Variants in CHP1 observed in about 807,000 individuals in gnomAD.
The protein encoded by CHP1 is calcineurin like EF-hand protein 1, also known as calcineurin B homologous protein 1.
A neutral mutation model predicts 27.4 loss-of-function variants in CHP1; 11 were observed. The observed-to-expected ratio is 0.40, with a 90% CI of 0.25 to 0.67. CHP1 has a LOEUF of 0.67. Ranked by LOEUF, CHP1 falls within the 30% of genes least tolerant of loss-of-function variation. CHP1 has a pLI of 0.38. For synonymous variants in CHP1, 89 were observed against 87.4 expected, an observed-to-expected ratio of 1.02 and a Z score of -0.10; for missense variants, 169 against 251.3, an observed-to-expected ratio of 0.67 and a Z score of 2.22.
chr15:41,279,615 A>G lies in CHP1; in HGVS notation c.*226A>G, dbSNP rs972820616. On this transcript the variant is annotated 3_prime_UTR_variant, in exon 7 of 7. Transcript: ENST00000334660. ...TATTTCTGTTCAGTATCCATTCACT[A>G]GTTCTTCATTTATAAATATCATCTT... The G allele has an allele frequency of 1.1e-5, 5 of 471,328 alleles. No individual in the cohort carries two copies. Among genetic ancestry groups the G allele is most frequent in the African/African-American group, 7.9e-5 (4 of 50,458 alleles). The allele number at this position is 471,328 out of a possible 1,614,324, so 29.2% of individuals were successfully genotyped here.
At chr15:41,243,605 G>A (rs369144676) in intron 1 of CHP1, 62 bp from the exon 2 acceptor site, 2 of 1,328,212 alleles carry the variant, frequency 1.5e-6, no homozygotes, top group Non-Finnish European at 2.2e-6. Flanking sequence ...GACAGCGAGG[G>A]GTGGGTTCAG....
chr15:41,247,496 C>T (rs2047341410), intron 2 of CHP1, among the ~76,000 whole-genome samples: 1 of 150,252 alleles, frequency 6.7e-6, no homozygotes, highest in Non-Finnish European at 1.5e-5. Context: ...ATGGTAAAAC[C>T]CCGTCTCTAC....
intron 1 of CHP1, among the ~76,000 whole-genome samples, chr15:41,239,076 A>T (rs887227156): frequency 1.3e-5 from 2 of 152,116 alleles, no homozygotes; most frequent in Non-Finnish European, 1.5e-5. Context: ...TTATAGGTAG[A>T]TTGGGATTGT....
chr15:41,242,871 A>G (rs1595471856), intron 1 of CHP1, among the ~76,000 whole-genome samples: 1 of 151,962 alleles, frequency 6.6e-6, no homozygotes, highest in East Asian at 1.9e-4. Flanking sequence ...TGAACACGAG[A>G]GGCAGAGGTT....
At chr15:41,250,643 C>A in intron 2 of CHP1, among the ~76,000 whole-genome samples, 1 of 124,194 alleles carries the variant, frequency 8.1e-6, no homozygotes. Flanking sequence ...GAACAAAATC[C>A]AGGTGAGGTT....
chr15:41,254,024 C>T (rs1055536720), intron 2 of CHP1, among the ~76,000 whole-genome samples: 3 of 151,770 alleles, frequency 2.0e-5, no homozygotes, highest in Non-Finnish European at 4.4e-5. Flanking sequence ...GAACTCCTAG[C>T]CTGAAGCAGT....
rs576408282 is a variant in CHP1, at chr15:41,248,902, C to G, written c.140+5163C>G. ...ACCCACCCACTACTGGGATTTCACT[C>G]TGGCTGTGCCTCCTGACAATTATCT... On this transcript the variant is annotated intron_variant, in intron 2 of 6. Coordinates refer to ENST00000334660, the MANE Select transcript of CHP1 (RefSeq NM_007236.5). 1.1e-4 allele frequency among the ~76,000 whole-genome samples: 16 copies of G among 152,318 alleles called. No individual in the cohort carries two copies. In the East Asian group the frequency reaches 2.9e-3, roughly 28 times the overall value.
At chr15:41,248,008 ATAAGTATC>A (rs1176785970) in intron 2 of CHP1, among the ~76,000 whole-genome samples, 3 of 151,934 alleles carry the variant, frequency 2.0e-5, no homozygotes, top group Non-Finnish European at 2.9e-5. Context: ...AAATAAATAA[ATAAGTATC>A]TAAGTAAGAT....
At position 41,280,658 on chromosome 15, in the gene CHP1, T is replaced by G. The variant is rs1444480474; in HGVS notation, c.*1269T>G. On this transcript the variant is annotated 3_prime_UTR_variant, in exon 7 of 7. Transcript: ENST00000334660. The stretch of plus-strand genomic sequence containing the variant: ...TCCCAAGTAGCTGGGATTACAGGTG[T>G]GCACCACCATGCCCGGCTAATTTTT... 1 of 151,022 alleles carries G rather than the reference T, an allele frequency of 6.6e-6. No individual in the cohort carries two copies. Among genetic ancestry groups the G allele is most frequent in the East Asian group, 2.0e-4 (1 of 5,066 alleles). The allele number at this position is 151,022 out of a possible 1,614,324, so 9.4% of individuals were successfully genotyped here. A position where few individuals can be genotyped will look rare whatever the true frequency, so the allele number is the denominator to read the frequency against.
rs190703643 is a variant in CHP1, at chr15:41,279,472, C to T, written c.*83C>T. On this transcript the variant is annotated 3_prime_UTR_variant, in exon 7 of 7. Transcript: ENST00000334660. The stretch of plus-strand genomic sequence containing the variant: ...CCTTCTACCAACTCCACCTCCACCC[C>T]CTCATTCCCCTTCTCCCAAAGTACT... The T allele has an allele frequency of 1.8e-6, 2 of 1,116,594 alleles. No individual in the cohort carries two copies. The highest frequency in any genetic ancestry group is 2.7e-6 in the Non-Finnish European group (2 of 741,372). 69.2% of individuals were successfully genotyped at this position (1,116,594 alleles called of 1,614,324 possible).
intron 3 of CHP1, among the ~76,000 whole-genome samples, chr15:41,260,623 G>C (rs2047428151): frequency 1.3e-5 from 2 of 151,966 alleles, no homozygotes; most frequent in Non-Finnish European, 2.9e-5. Context: ...TTGAACTCCT[G>C]ACCTCAGGTG....
At chr15:41,261,030 G>A (rs768603682) in intron 3 of CHP1, among the ~76,000 whole-genome samples, 4 of 151,698 alleles carry the variant, frequency 2.6e-5, no homozygotes, top group East Asian at 1.9e-4. Context: ...CAGTATAAGC[G>A]TGAGCCACCA....
chr15:41,262,487 C>T (rs2047438516), intron 3 of CHP1, among the ~76,000 whole-genome samples: 1 of 152,104 alleles, frequency 6.6e-6, no homozygotes, highest in Non-Finnish European at 1.5e-5. Flanking sequence ...CAAGTAAATT[C>T]AATAGATAAC....
In CHP1 at chr15:41,255,655, C is replaced by T. The variant is rs549634993; in HGVS notation, c.141-1255C>T. ...AAGCCACTACACTCCAGCCTGGGAGCGAAACTCCATCTCAAAAAAATAAAA... is the reference window on the plus strand; with the variant it reads ...AAGCCACTACACTCCAGCCTGGGAGTGAAACTCCATCTCAAAAAAATAAAA... On this transcript the variant is annotated intron_variant, in intron 2 of 6. Transcript: ENST00000334660. 7.6e-4 allele frequency among the ~76,000 whole-genome samples: 115 copies of T among 151,774 alleles called. 1 individual carries two copies. The South Asian group carries it at 0.012, about 15-fold the overall frequency.
chr15:41,241,697 G>A (rs898165450), intron 1 of CHP1, among the ~76,000 whole-genome samples: 1 of 152,210 alleles, frequency 6.6e-6, no homozygotes, highest in African/African-American at 2.4e-5. Flanking sequence ...CCAGCTTCGA[G>A]GGTGAAACCT....
chr15:41,279,074 G>C (rs2047533467), intron 6 of CHP1, among the ~76,000 whole-genome samples, 185 bp downstream of exon 6: 2 of 152,166 alleles, frequency 1.3e-5, no homozygotes, highest in South Asian at 4.1e-4. Context: ...AGCCAGGCGT[G>C]GTGGCGCGTG....
intron 1 of CHP1, among the ~76,000 whole-genome samples, chr15:41,235,593 A>T (rs1038306282): frequency 1.3e-5 from 2 of 152,218 alleles, no homozygotes; most frequent in Non-Finnish European, 2.9e-5. Flanking sequence ...GTAGTAATGA[A>T]TGCAGATTAT....
At chr15:41,237,028 G>A (rs1303237336) in intron 1 of CHP1, among the ~76,000 whole-genome samples, 142 of 149,972 alleles carry the variant, frequency 9.5e-4, no homozygotes, top group African/African-American at 3.4e-3. Context: ...ATGGGGTTTC[G>A]CCACGTTGGC....
intron 2 of CHP1, among the ~76,000 whole-genome samples, chr15:41,248,148 ATT>A (rs879583449): frequency 3.5e-5 from 5 of 143,220 alleles, no homozygotes; most frequent in Admixed American, 1.4e-4. Context: ...TGCTGGCAAT[ATT>A]TTTTTTTTTT....
Sources: allele counts gnomAD v4.1 joint callset (sites outside exome capture counted in the v4.1 genomes callset), GRCh38; gene constraint gnomAD v4.1.1; transcripts MANE v1.5; gene names NCBI Gene and HGNC (gene_info 2026-07-23, HGNC 2026-07-21).